Variants in CADPS2 observed in about 807,000 individuals in gnomAD.
CADPS2 encodes calcium-dependent secretion activator 2.
In CADPS2, 93 loss-of-function variants were observed where a neutral mutation model predicts 172.5. That is an observed-to-expected ratio of 0.54 (90% CI 0.46 to 0.64). CADPS2 has a LOEUF of 0.64. Among genes scored for constraint, CADPS2 ranks in the 30% least tolerant of loss-of-function variants. The pLI is 0.00. For synonymous variants in CADPS2, 546 were observed against 555.2 expected, an observed-to-expected ratio of 0.98 and a Z score of 0.23; for missense variants, 1,420 against 1,565.9, an observed-to-expected ratio of 0.91 and a Z score of 1.57.
intron 9 of CADPS2, among the ~76,000 whole-genome samples, chr7:122,492,281 C>T (rs1586595883): frequency 6.6e-6 from 1 of 152,056 alleles, no homozygotes; most frequent in African/African-American, 2.4e-5. Flanking sequence ...AAACCTCAGG[C>T]AGGGCCAGGA....
At chr7:122,846,063 A>G (rs1482694155) in intron 1 of CADPS2, among the ~76,000 whole-genome samples, 1 of 152,252 alleles carries the variant, frequency 6.6e-6, no homozygotes, top group African/African-American at 2.4e-5. Flanking sequence ...GTAAGATTTC[A>G]CAGTTAAAAT....
intron 1 of CADPS2, among the ~76,000 whole-genome samples, chr7:122,858,112 G>A (rs1417236644): frequency 6.6e-6 from 1 of 152,112 alleles, no homozygotes; most frequent in African/African-American, 2.4e-5. Flanking sequence ...ACATCCTTCT[G>A]ATGGGTCCAT....
At chr7:122,522,192 G>A (rs2060858782) in intron 8 of CADPS2, among the ~76,000 whole-genome samples, 1 of 152,028 alleles carries the variant, frequency 6.6e-6, no homozygotes, top group African/African-American at 2.4e-5. Flanking sequence ...TTGGCTCACT[G>A]AAAACTCCAC....
Position 122,581,069 on chromosome 7 carries a change from T to C in CADPS2, c.1335+110A>G, listed in dbSNP as rs529982902. 8.0e-5 allele frequency: 57 copies of C among 716,644 alleles called. 1 individual carries two copies. Among genetic ancestry groups the C allele is most frequent in the Middle Eastern group, 7.4e-4 (3 of 4,054 alleles). The allele number at this position is 716,644 out of a possible 1,614,324, so 44.4% of individuals were successfully genotyped here. ...TTGTGGGAAATAACAAATTATTTTA[T>C]GTAATTTATGAACATAAAGTTCACA... On this transcript the variant is annotated intron_variant, in intron 7 of 29. Coordinates refer to ENST00000449022, the MANE Select transcript of CADPS2 (RefSeq NM_017954.11).
At chr7:122,681,725 T>TA (rs1021620355) in intron 2 of CADPS2, 19 of 568,648 alleles carry the variant, frequency 3.3e-5, no homozygotes, top group African/African-American at 1.0e-4. Flanking sequence ...ATGGAAATTG[T>TA]AAAAAAATAA....
At chr7:122,357,244 C>T (rs1364464553) in intron 27 of CADPS2, 1 of 152,074 alleles carries the variant, frequency 6.6e-6, no homozygotes, top group Non-Finnish European at 1.5e-5. Context: ...CTTAATTGTT[C>T]AATTCCAATA....
chr7:122,693,023 A>G (rs891898669), intron 2 of CADPS2, among the ~76,000 whole-genome samples: 1 of 152,214 alleles, frequency 6.6e-6, no homozygotes, highest in Non-Finnish European at 1.5e-5. Context: ...CATGGCTGTG[A>G]TAACAGGTGG....
At chr7:122,593,342 A>T (rs1316911091) in intron 6 of CADPS2, among the ~76,000 whole-genome samples, 1 of 152,026 alleles carries the variant, frequency 6.6e-6, no homozygotes, top group African/African-American at 2.4e-5. Context: ...GGAAATAAAA[A>T]AGAGCCATTA....
At chr7:122,695,810 T>C (rs1345853414) in intron 2 of CADPS2, among the ~76,000 whole-genome samples, 2 of 152,182 alleles carry the variant, frequency 1.3e-5, no homozygotes, top group Non-Finnish European at 2.9e-5. Context: ...ACTCAGGTCT[T>C]AGATTGACAA....
At chr7:122,642,341 C>T (rs1392830173) in intron 3 of CADPS2, among the ~76,000 whole-genome samples, 1 of 150,876 alleles carries the variant, frequency 6.6e-6, no homozygotes, top group East Asian at 1.9e-4. Flanking sequence ...TCTTGCCTTA[C>T]AAATATCAAA....
intron 2 of CADPS2, among the ~76,000 whole-genome samples, chr7:122,708,263 T>C (rs1342631903): frequency 1.3e-5 from 2 of 151,652 alleles, no homozygotes; most frequent in Non-Finnish European, 2.9e-5. Context: ...TCAATAAAAG[T>C]TGAATTAAAT....
chr7:122,504,218 A>T (rs1232220113), intron 9 of CADPS2, among the ~76,000 whole-genome samples: 2 of 152,198 alleles, frequency 1.3e-5, no homozygotes, highest in Non-Finnish European at 2.9e-5. Context: ...ACCTTACAGG[A>T]TTTTGAGAGA....
At chr7:122,545,223 G>A (rs2063501084) in intron 8 of CADPS2, among the ~76,000 whole-genome samples, 1 of 152,140 alleles carries the variant, frequency 6.6e-6, no homozygotes, top group Non-Finnish European at 1.5e-5. Flanking sequence ...CAAAAATCAA[G>A]GGAGTGGGGA....
chr7:122,381,585 T>C (rs2043002945), intron 24 of CADPS2, among the ~76,000 whole-genome samples: 1 of 152,026 alleles, frequency 6.6e-6, no homozygotes, highest in African/African-American at 2.4e-5. Context: ...AATCTTAAAA[T>C]CAAGGGACGA....
intron 14 of CADPS2, among the ~76,000 whole-genome samples, chr7:122,462,985 T>C (rs1314445508): frequency 6.6e-6 from 1 of 152,100 alleles, no homozygotes; most frequent in Non-Finnish European, 1.5e-5. Context: ...CTTCAAAATA[T>C]ACAAAGCAAA....
At chr7:122,352,050 T>C (rs2038738280) in intron 27 of CADPS2, among the ~76,000 whole-genome samples, 2 of 152,226 alleles carry the variant, frequency 1.3e-5, no homozygotes, top group Admixed American at 6.5e-5. Context: ...TCTATGGGTT[T>C]ACAATGCCTT....
intron 11 of CADPS2, among the ~76,000 whole-genome samples, chr7:122,486,013 C>A (rs2152285525): frequency 6.6e-6 from 1 of 152,062 alleles, no homozygotes; most frequent in South Asian, 2.1e-4. Context: ...ACTGCTGAGG[C>A]CTGATGCTAG....
chr7:122,475,297 T>C (rs1454613806), intron 12 of CADPS2, among the ~76,000 whole-genome samples: 5 of 152,190 alleles, frequency 3.3e-5, no homozygotes, highest in Admixed American at 2.0e-4. Context: ...AAAGGAGTGC[T>C]GGGGTGTTAT....
At chr7:122,689,938 G>A (rs1413249376) in intron 2 of CADPS2, among the ~76,000 whole-genome samples, 2 of 152,112 alleles carry the variant, frequency 1.3e-5, no homozygotes, top group African/African-American at 4.8e-5. Flanking sequence ...GTTTTGTGAC[G>A]CCTCCTATTC....
Sources: gnomAD v4.1 joint callset for allele counts (sites outside exome capture counted in the v4.1 genomes callset) on GRCh38, gnomAD v4.1.1 for gene constraint, MANE v1.5 for transcripts, NCBI Gene and HGNC (gene_info 2026-07-23, HGNC 2026-07-21) for gene names.